SLC30A8: variants seen among roughly 807,000 people sequenced by gnomAD.
SLC30A8 encodes the protein solute carrier family 30 member 8.
Under a neutral mutation model 36.9 loss-of-function variants are expected in SLC30A8, and 27 were observed. The observed-to-expected ratio is 0.73, with a 90% CI of 0.54 to 1.01. SLC30A8 has a LOEUF of 1.01. Ranked by LOEUF, SLC30A8 falls within the 50% of genes least tolerant of loss-of-function variation. The probability of loss-of-function intolerance (pLI) is 0.00; values close to 1 mark genes in which losing one functional copy is unlikely to be tolerated. For missense variants in SLC30A8, 439 were observed against 452.0 expected (o/e 0.97, Z 0.26); for synonymous variants, 164 against 172.4 (o/e 0.95, Z 0.38).
At chr8:117,098,794 A>G (rs560591949) in intron 2 of SLC30A8, among the ~76,000 whole-genome samples, 46 of 152,292 alleles carry the variant, frequency 3.0e-4, no homozygotes, top group African/African-American at 1.0e-3. Context: ...TCAGCAGCAA[A>G]AAAGATAGAG....
chr8:116,992,396 A>C (rs1563738123), intron 1 of SLC30A8, among the ~76,000 whole-genome samples: 1 of 152,216 alleles, frequency 6.6e-6, no homozygotes, highest in Non-Finnish European at 1.5e-5. Flanking sequence ...AGGTGACCAG[A>C]AGCATAGGGC....
intron 2 of SLC30A8, among the ~76,000 whole-genome samples, chr8:117,044,936 C>A (rs1336785623): frequency 6.6e-6 from 1 of 152,184 alleles, no homozygotes; most frequent in Non-Finnish European, 1.5e-5. Flanking sequence ...AAATTCCGAG[C>A]TGTTGTGCTT....
At chr8:117,014,260 T>A (rs1424539847) in intron 1 of SLC30A8, among the ~76,000 whole-genome samples, 1 of 146,904 alleles carries the variant, frequency 6.8e-6, no homozygotes, top group South Asian at 2.2e-4. Context: ...TCAAGTGTTA[T>A]CATATTAGCC....
chr8:117,124,793 A>G (rs1820835151), intron 2 of SLC30A8, among the ~76,000 whole-genome samples: 1 of 151,778 alleles, frequency 6.6e-6, no homozygotes, highest in South Asian at 2.1e-4. Context: ...ACTGTGGACT[A>G]CTAGATGGGG....
intron 1 of SLC30A8, among the ~76,000 whole-genome samples, chr8:116,965,842 T>A (rs188154168): frequency 1.1e-4 from 16 of 152,264 alleles, no homozygotes; most frequent in African/African-American, 3.4e-4. Flanking sequence ...TAAAATCTTC[T>A]TGCTAGAGGC....
At chr8:117,086,325 G>A (rs2130820023) in intron 2 of SLC30A8, among the ~76,000 whole-genome samples, 1 of 152,298 alleles carries the variant, frequency 6.6e-6, no homozygotes, top group South Asian at 2.1e-4. Context: ...CTAGAAGAAG[G>A]AAATTGGAGG....
chr8:117,096,031 T>G (rs1299793522), intron 2 of SLC30A8, among the ~76,000 whole-genome samples: 1 of 152,148 alleles, frequency 6.6e-6, no homozygotes, highest in African/African-American at 2.4e-5. Flanking sequence ...ATTTGCACAT[T>G]GTTGGGCTCA....
Position 117,027,657 on chromosome 8 carries a change from T to G in SLC30A8, c.-265-11562T>G, listed in dbSNP as rs570494288. Reference sequence around the variant, plus strand: ...AGAGAAACCTAGGCAGGACCCTGAGTTGGATGCTAACCTATACTCTAGTCT... The same window carrying G: ...AGAGAAACCTAGGCAGGACCCTGAGGTGGATGCTAACCTATACTCTAGTCT... On this transcript the variant is annotated intron_variant, in intron 1 of 10. Coordinates refer to the SLC30A8 transcript ENST00000427715. Among the ~76,000 whole-genome samples, 5 of 152,250 alleles carry G rather than the reference T, an allele frequency of 3.3e-5. No individual in the cohort carries two copies. In the South Asian group the frequency reaches 1.0e-3, roughly 32 times the overall value.
Position 116,995,094 on chromosome 8 carries a change from C to T in SLC30A8, c.-266+43975C>T, listed in dbSNP as rs149198516. 2.0e-3 allele frequency among the ~76,000 whole-genome samples: 300 copies of T among 152,180 alleles called. 5 individuals carry two copies. Among genetic ancestry groups the T allele is most frequent in the African/African-American group, 6.7e-3 (280 of 41,484 alleles). On this transcript the variant is annotated intron_variant, in intron 1 of 10. Coordinates refer to the SLC30A8 transcript ENST00000427715. Reference sequence around the variant, plus strand: ...AATGCGGTGTAAATGTAACATAAAACAGATACAAAGCTGCCCTAGAAGAGA... The same window carrying T: ...AATGCGGTGTAAATGTAACATAAAATAGATACAAAGCTGCCCTAGAAGAGA...
intron 1 of SLC30A8, among the ~76,000 whole-genome samples, chr8:116,985,665 G>A (rs1162191097): frequency 6.6e-6 from 1 of 151,996 alleles, no homozygotes. Flanking sequence ...CTTTAAAAAT[G>A]GAGCATCATA....
chr8:117,129,048 T>C (rs1821027131), intron 2 of SLC30A8, among the ~76,000 whole-genome samples: 1 of 152,046 alleles, frequency 6.6e-6, no homozygotes, highest in Non-Finnish European at 1.5e-5. Flanking sequence ...GGTGTGCTAG[T>C]CTTGAGAAGA....
intron 1 of SLC30A8, among the ~76,000 whole-genome samples, chr8:117,033,582 G>A (rs71530853): frequency 0.11 from 16,772 of 152,232 alleles, 1,141 homozygotes; most frequent in East Asian, 0.18. Flanking sequence ...TGGACTAAAT[G>A]TCCCTGAATT....
At chr8:117,028,878 G>T (rs1274637370) in intron 1 of SLC30A8, among the ~76,000 whole-genome samples, 1 of 151,952 alleles carries the variant, frequency 6.6e-6, no homozygotes, top group East Asian at 1.9e-4. Context: ...ACAAATTGAG[G>T]TGGCCTCAAT....
In SLC30A8 at chr8:117,174,222, C is replaced by G. The variant is rs367911888; in HGVS notation, c.*1541C>G. ...CAGACTCTAGCAAGGTACTAGAAAC[C>G]TAGCAGGCATTAATAATTGTTGAGG... is the stretch of plus-strand genomic sequence containing the variant. On this transcript the variant is annotated 3_prime_UTR_variant, in exon 8 of 8. Transcript: ENST00000456015. The G allele has an allele frequency of 6.6e-6, 1 of 152,034 alleles. No homozygotes were observed. Among genetic ancestry groups the G allele is most frequent in the Non-Finnish European group, 1.5e-5 (1 of 68,002 alleles). 9.4% of individuals were successfully genotyped at this position (152,034 alleles called of 1,614,324 possible).
intron 1 of SLC30A8, among the ~76,000 whole-genome samples, chr8:117,028,968 A>G (rs1816953739): frequency 6.6e-6 from 1 of 152,124 alleles, no homozygotes; most frequent in Non-Finnish European, 1.5e-5. Flanking sequence ...TGTCAACAAT[A>G]TTTTATTTTA....
At chr8:117,168,032 C>T (rs1345708487) in intron 6 of SLC30A8, among the ~76,000 whole-genome samples, 1 of 152,066 alleles carries the variant, frequency 6.6e-6, no homozygotes, top group Admixed American at 6.6e-5. Context: ...TTTGTAAAAC[C>T]ATCAGATCTG....
At chr8:117,126,454 T>C (rs1820907293) in intron 2 of SLC30A8, among the ~76,000 whole-genome samples, 1 of 151,986 alleles carries the variant, frequency 6.6e-6, no homozygotes, top group East Asian at 1.9e-4. Flanking sequence ...TGGTGAATGG[T>C]ACCCAAGTCT....
chr8:116,971,823 T>C (rs1301419367), intron 1 of SLC30A8, among the ~76,000 whole-genome samples: 1 of 152,226 alleles, frequency 6.6e-6, no homozygotes, highest in Non-Finnish European at 1.5e-5. Flanking sequence ...ACCGTCATAA[T>C]GATAGAGGTT....
At chr8:117,052,438 C>G (rs1817739443) in intron 2 of SLC30A8, among the ~76,000 whole-genome samples, 2 of 152,198 alleles carry the variant, frequency 1.3e-5, no homozygotes, top group Admixed American at 6.5e-5. Context: ...TTAATTAGGC[C>G]TGGGAATGAA....
Sources: allele counts gnomAD v4.1 joint callset (sites outside exome capture counted in the v4.1 genomes callset), GRCh38; gene constraint gnomAD v4.1.1; transcripts MANE v1.5; gene names NCBI Gene and HGNC (gene_info 2026-07-23, HGNC 2026-07-21).